Variants in LRRC4C observed in about 807,000 individuals in gnomAD.
LRRC4C encodes leucine-rich repeat-containing protein 4C.
A neutral mutation model predicts 33.6 loss-of-function variants in LRRC4C; 5 were observed. That is an observed-to-expected ratio of 0.15 (90% CI 0.08 to 0.31). The LOEUF (loss-of-function observed/expected upper bound fraction) is 0.31, where lower values mean the gene tolerates loss of function less well. Ranked by LOEUF, LRRC4C falls within the 10% of genes least tolerant of loss-of-function variation. The pLI is 1.00. For synonymous variants in LRRC4C, 329 were observed against 302.0 expected (o/e 1.09, Z -0.93); for missense variants, 560 against 796.7 (o/e 0.70, Z 3.58).
chr11:40,467,585 A>G (rs1268515038), intron 3 of LRRC4C, among the ~76,000 whole-genome samples: 1 of 152,314 alleles, frequency 6.6e-6, no homozygotes, highest in South Asian at 2.1e-4. Flanking sequence ...ATATGGTTTC[A>G]GTAGGTCTAA....
At chr11:41,449,345 G>C (rs190874252) in intron 1 of LRRC4C, among the ~76,000 whole-genome samples, 1 of 152,258 alleles carries the variant, frequency 6.6e-6, no homozygotes, top group East Asian at 1.9e-4. Context: ...ACTCTAGCAG[G>C]CCATCAGGCG....
At chr11:40,565,508 T>C (rs1326790698) in intron 3 of LRRC4C, among the ~76,000 whole-genome samples, 1 of 152,112 alleles carries the variant, frequency 6.6e-6, no homozygotes, top group Non-Finnish European at 1.5e-5. Context: ...GGGCAATATT[T>C]TCCTTGGGGG....
intron 1 of LRRC4C, among the ~76,000 whole-genome samples, chr11:41,038,153 A>C (rs1857213249): frequency 6.6e-6 from 1 of 152,220 alleles, no homozygotes; most frequent in South Asian, 2.1e-4. Context: ...AAGCCTCCTC[A>C]GGTGCGCCTC....
At chr11:40,709,553 A>C (rs1308334872) in intron 2 of LRRC4C, among the ~76,000 whole-genome samples, 1 of 152,174 alleles carries the variant, frequency 6.6e-6, no homozygotes, top group Non-Finnish European at 1.5e-5. Context: ...TCTGGCTTGT[A>C]GGTTTTCTGC....
intron 2 of LRRC4C, among the ~76,000 whole-genome samples, chr11:40,839,462 T>C (rs938116414): frequency 6.6e-6 from 1 of 152,230 alleles, no homozygotes; most frequent in South Asian, 2.1e-4. Context: ...GCCAGGCTGG[T>C]CTCGAACTGC....
intron 1 of LRRC4C, among the ~76,000 whole-genome samples, chr11:41,135,086 A>G (rs1273852223): frequency 6.6e-6 from 1 of 152,160 alleles, no homozygotes; most frequent in Admixed American, 6.6e-5. Flanking sequence ...AGGCCTGACT[A>G]AAATCACAGT....
intron 3 of LRRC4C, among the ~76,000 whole-genome samples, chr11:40,364,387 TA>T (rs577438441): frequency 2.6e-5 from 4 of 151,964 alleles, no homozygotes; most frequent in South Asian, 2.1e-4. Context: ...ATGCAGAAGA[TA>T]AAAAAATGAC....
chr11:40,477,734 A>T (rs1462286976), intron 3 of LRRC4C, among the ~76,000 whole-genome samples: 2 of 152,098 alleles, frequency 1.3e-5, no homozygotes, highest in African/African-American at 2.4e-5. Context: ...CCTTTTCAGT[A>T]CAATACCTTG....
At chr11:40,467,186 G>A (rs1952693629) in intron 3 of LRRC4C, among the ~76,000 whole-genome samples, 1 of 152,134 alleles carries the variant, frequency 6.6e-6, no homozygotes, top group African/African-American at 2.4e-5. Flanking sequence ...GAGAGTAGAA[G>A]TGAGATACTT....
chr11:41,263,453 T>C (rs75856944), intron 1 of LRRC4C, among the ~76,000 whole-genome samples: 3,444 of 152,230 alleles, frequency 0.023, 51 homozygotes, highest in Non-Finnish European at 0.035. Context: ...CCTCTATTAA[T>C]GTGTAGTAAG....
chr11:40,474,561 A>G (rs1313259122), intron 3 of LRRC4C, among the ~76,000 whole-genome samples: 1 of 152,236 alleles, frequency 6.6e-6, no homozygotes. Flanking sequence ...AGCTAAGGCA[A>G]CAAAAGGCAA....
At chr11:41,081,631 T>C (rs576328214) in intron 1 of LRRC4C, among the ~76,000 whole-genome samples, 3 of 152,260 alleles carry the variant, frequency 2.0e-5, no homozygotes, top group South Asian at 4.1e-4. Flanking sequence ...GCTAAAGGAC[T>C]TAGAACCATT....
At chr11:40,450,931 T>A (rs189266092) in intron 3 of LRRC4C, among the ~76,000 whole-genome samples, 2 of 151,664 alleles carry the variant, frequency 1.3e-5, no homozygotes, top group South Asian at 2.1e-4. Context: ...AAAGAAGAAA[T>A]CATGAGCAAA....
At chr11:40,475,257 A>T (rs760420116) in intron 3 of LRRC4C, among the ~76,000 whole-genome samples, 11 of 152,188 alleles carry the variant, frequency 7.2e-5, no homozygotes, top group Non-Finnish European at 1.2e-4. Context: ...TACACCATGG[A>T]ATAATATGCA....
intron 1 of LRRC4C, among the ~76,000 whole-genome samples, chr11:40,972,476 G>C (rs1007735695): frequency 2.0e-5 from 3 of 152,004 alleles, no homozygotes; most frequent in African/African-American, 7.3e-5. Context: ...ATTTGGTAGG[G>C]GCCAGGGCAA....
At chr11:41,064,161 C>A (rs749165377) in intron 1 of LRRC4C, among the ~76,000 whole-genome samples, 1 of 152,208 alleles carries the variant, frequency 6.6e-6, no homozygotes, top group African/African-American at 2.4e-5. Context: ...TACCAATTCA[C>A]CCAGATAGGT....
At chr11:41,239,106 G>A (rs1028287298) in intron 1 of LRRC4C, among the ~76,000 whole-genome samples, 1 of 149,206 alleles carries the variant, frequency 6.7e-6, no homozygotes, top group Non-Finnish European at 1.5e-5. Flanking sequence ...ACGAGGTCAG[G>A]AGATCGAGAC....
chr11:41,445,865 CAT>C (rs1491581367), intron 1 of LRRC4C, among the ~76,000 whole-genome samples: 2 of 135,450 alleles, frequency 1.5e-5, no homozygotes, highest in Admixed American at 7.2e-5. Context: ...TGAGTGACTG[CAT>C]GTGTGTGTGT....
At chr11:41,068,155 G>A (rs1384516692) in intron 1 of LRRC4C, among the ~76,000 whole-genome samples, 1 of 152,176 alleles carries the variant, frequency 6.6e-6, no homozygotes, top group Non-Finnish European at 1.5e-5. Context: ...CATTTTGGGA[G>A]GCCGAGGCAG....
Sources: gnomAD v4.1 joint callset for allele counts (sites outside exome capture counted in the v4.1 genomes callset) on GRCh38, gnomAD v4.1.1 for gene constraint, MANE v1.5 for transcripts, NCBI Gene and HGNC (gene_info 2026-07-23, HGNC 2026-07-21) for gene names.